GMFB: variants seen among roughly 807,000 people sequenced by gnomAD.
GMFB encodes glia maturation factor beta.
GMFB carries 13 observed loss-of-function variants against 25.6 expected under a neutral mutation model. The observed-to-expected ratio is 0.51, with a 90% CI of 0.33 to 0.81. GMFB has a LOEUF of 0.81. Among genes scored for constraint, GMFB ranks in the 30% least tolerant of loss-of-function variants. The pLI is 0.02. For missense variants in GMFB, 146 were observed against 175.4 expected (o/e 0.83, Z 0.95); for synonymous variants, 57 against 56.9 (o/e 1.00, Z 0.00).
At chr14:54,483,469 G>C in intron 2 of GMFB, 1 of 549,684 alleles carries the variant, frequency 1.8e-6, no homozygotes, top group East Asian at 3.1e-5. Context: ...AAAGGACTAT[G>C]GGGGAGGTGG....
At chr14:54,485,145 A>T (rs188452970) in intron 1 of GMFB, among the ~76,000 whole-genome samples, 75 of 152,322 alleles carry the variant, frequency 4.9e-4, no homozygotes, top group Admixed American at 9.8e-4. Context: ...TACCACTTTT[A>T]TTCAACATAG....
In GMFB at chr14:54,486,640, G is replaced by C. The variant is rs73265764; in HGVS notation, c.3+2285C>G. Among the ~76,000 whole-genome samples the C allele has an allele frequency of 9.4e-4, 143 of 152,254 alleles. 1 individual carries two copies. The highest frequency in any genetic ancestry group is 3.2e-3 in the African/African-American group (135 of 41,546). ...AAATTCCCATTTAGTCCTAATAATA[G>C]TTAACATGTATCAGACCCTATGAGA... On this transcript the variant is annotated intron_variant, in intron 1 of 6. Coordinates refer to ENST00000358056, the MANE Select transcript of GMFB (RefSeq NM_004124.3).
intron 1 of GMFB, among the ~76,000 whole-genome samples, chr14:54,484,270 C>G (rs2031754690): frequency 6.6e-6 from 1 of 151,438 alleles, no homozygotes; most frequent in Non-Finnish European, 1.5e-5. Flanking sequence ...AGAGTAAAGA[C>G]CAATAATATT....
rs3818941 is a variant in GMFB, at chr14:54,488,646, G to C, written c.3+279C>G. 3.9e-4 allele frequency: 163 copies of C among 412,690 alleles called. No individual in the cohort carries two copies. The East Asian group carries it at 6.0e-3, about 15-fold the overall frequency. 25.6% of individuals were successfully genotyped at this position (412,690 alleles called of 1,614,324 possible). ...AGCCCTCCAACCAGAAGGACCTGGCGTGGGGCCTCCCCAACCCCCCTGCTC... is the reference window on the plus strand; with the variant it reads ...AGCCCTCCAACCAGAAGGACCTGGCCTGGGGCCTCCCCAACCCCCCTGCTC... On this transcript the variant is annotated intron_variant, in intron 1 of 6. Coordinates refer to ENST00000358056, the MANE Select transcript of GMFB (RefSeq NM_004124.3).
intron 1 of GMFB, among the ~76,000 whole-genome samples, chr14:54,486,665 A>G (rs1376043225): frequency 6.6e-6 from 1 of 152,212 alleles, no homozygotes; most frequent in Non-Finnish European, 1.5e-5. Flanking sequence ...ACCCTATGAG[A>G]GAAACACTGT....
chr14:54,481,378 T>A, intron 4 of GMFB, 31 bp downstream of exon 4: 1 of 1,466,732 alleles, frequency 6.8e-7, no homozygotes, highest in Non-Finnish European at 9.6e-7. Flanking sequence ...CTAAAGAAAA[T>A]AAATCTTTTA....
At position 54,480,931 on chromosome 14, in the gene GMFB, G is replaced by C; in HGVS notation, c.226C>G (p.Gln76Glu). The C allele has an allele frequency of 6.6e-7, 1 of 1,521,122 alleles. No individual in the cohort carries two copies. 94.2% of individuals were successfully genotyped at this position (1,521,122 alleles called of 1,614,324 possible). A position where few individuals can be genotyped will look rare whatever the true frequency, so the allele number is the denominator to read the frequency against. The change falls in exon 5 of 7, where the codon CAA becomes GAA. Residue 76 changes from glutamine to glutamate, a missense_variant. Coordinates refer to ENST00000358056, the MANE Select transcript of GMFB (RefSeq NM_004124.3). The part of the protein sequence containing the change: ...PRFIVYSYKY[Q>E]HDDGRVSYPL... The stretch of plus-strand genomic sequence containing the variant: ...TATGAAACTCTTCCATCATCATGTT[G>C]ATATTTATAACTATACACAATGAAG...
rs192909342 is a variant in GMFB at position 54,487,391 on chromosome 14, C to G, written c.3+1534G>C. 3.3e-3 allele frequency among the ~76,000 whole-genome samples: 495 copies of G among 152,280 alleles called. 3 individuals are homozygous for G. The highest frequency in any genetic ancestry group is 0.011 in the African/African-American group (475 of 41,562). On this transcript the variant is annotated intron_variant, in intron 1 of 6. Coordinates refer to ENST00000358056, the MANE Select transcript of GMFB (RefSeq NM_004124.3). The stretch of plus-strand genomic sequence containing the variant: ...CTAAAAATACAAAAACAAAATTAGC[C>G]GGGTGTGGTGGCGGGAGCCTGTAGT...
intron 2 of GMFB, 136 bp downstream of exon 2, chr14:54,483,535 T>C: frequency 1.6e-6 from 1 of 614,980 alleles, no homozygotes; most frequent in East Asian, 2.8e-5. Context: ...TTTTTTAAAG[T>C]GATCTAAAGG....
In GMFB at chr14:54,474,761, T is replaced by A. The variant is rs1275015106; in HGVS notation, c.*3327A>T. ...ATGATCTCAAACAATATTCAAGTAATTATATTTATATGAATTATAATCCAA... is the reference window on the plus strand; with the variant it reads ...ATGATCTCAAACAATATTCAAGTAAATATATTTATATGAATTATAATCCAA... On this transcript the variant is annotated 3_prime_UTR_variant, in exon 7 of 7. Transcript: ENST00000358056. 1 of 152,648 alleles carries A rather than the reference T, an allele frequency of 6.6e-6. No homozygotes were observed. The highest frequency in any genetic ancestry group is 1.5e-5 in the Non-Finnish European group (1 of 68,030). The allele number at this position is 152,648 out of a possible 1,614,324, so 9.5% of individuals were successfully genotyped here.
rs1277607888 is a variant in GMFB at position 54,475,491 on chromosome 14, A to G, written c.*2597T>C. 1 of 152,596 alleles carries G rather than the reference A, an allele frequency of 6.6e-6. No homozygotes were observed. The highest frequency in any genetic ancestry group is 1.5e-5 in the Non-Finnish European group (1 of 67,968). 9.5% of individuals were successfully genotyped at this position (152,596 alleles called of 1,614,324 possible). ...GCATTTAGTAAACTTTTAGAACTAG[A>G]CAATTTGAACATTTTAGAAGTCAAT... On this transcript the variant is annotated 3_prime_UTR_variant, in exon 7 of 7. Transcript: ENST00000358056.
chr14:54,487,453 G>C (rs907890565), intron 1 of GMFB, among the ~76,000 whole-genome samples: 1 of 151,788 alleles, frequency 6.6e-6, no homozygotes, highest in Non-Finnish European at 1.5e-5. Context: ...GAGAACGAAC[G>C]GCGTGAACCA....
intron 1 of GMFB, 174 bp downstream of exon 1, chr14:54,488,751 G>C (rs944431148): frequency 1.9e-6 from 1 of 531,390 alleles, no homozygotes; most frequent in African/African-American, 2.0e-5. Flanking sequence ...GAGGCGTGGT[G>C]GCGGCGGCAG....
In GMFB at chr14:54,483,257, G is replaced by T. The variant is rs143252401; in HGVS notation, c.100+414C>A. 2.1e-3 allele frequency: 330 copies of T among 156,258 alleles called. 1 individual carries two copies. The highest frequency in any genetic ancestry group is 4.4e-3 in the Admixed American group (69 of 15,750). The allele number at this position is 156,258 out of a possible 1,614,324, so 9.7% of individuals were successfully genotyped here. A position where few individuals can be genotyped will look rare whatever the true frequency, so the allele number is the denominator to read the frequency against. On this transcript the variant is annotated intron_variant, in intron 2 of 6. Transcript: ENST00000358056. ...AAACCAGAGTTCAAATCTACAACTG[G>T]AATAATGCCCAAAGTCACTATGTAC...
chr14:54,477,838 G>A lies in GMFB; in HGVS notation c.*250C>T. 1 of 333,394 alleles carries A rather than the reference G, an allele frequency of 3.0e-6. No homozygotes were observed. Among genetic ancestry groups the A allele is most frequent in the South Asian group, 9.5e-5 (1 of 10,580 alleles). The allele number at this position is 333,394 out of a possible 1,614,324, so 20.7% of individuals were successfully genotyped here. On this transcript the variant is annotated 3_prime_UTR_variant, in exon 7 of 7. Coordinates refer to ENST00000358056, the MANE Select transcript of GMFB (RefSeq NM_004124.3). ...CATAAGTTATAGAAATTAGTCACAAGAGTGCAAAAAGTCCCTGGAGAAAAG... is the reference window on the plus strand; with the variant it reads ...CATAAGTTATAGAAATTAGTCACAAAAGTGCAAAAAGTCCCTGGAGAAAAG...
chr14:54,481,486 A>C (rs1274264329), intron 3 of GMFB, 28 bp from the exon 4 acceptor site: 19 of 1,551,596 alleles, frequency 1.2e-5, no homozygotes, highest in African/African-American at 2.7e-5. Context: ...AGCAACTTTT[A>C]AACATTTTCT....
rs2031686495 is a variant in GMFB at position 54,479,781 on chromosome 14, A to G, written c.357+5T>C. Reference sequence around the variant, plus strand: ...CTCAACAAGTCAGTCAAATATAAATACCACCTTGGTTAGTTCAGCTGTCTG... The same window carrying G: ...CTCAACAAGTCAGTCAAATATAAATGCCACCTTGGTTAGTTCAGCTGTCTG... On this transcript the variant is annotated splice_donor_5th_base_variant and intron_variant, in intron 6 of 6. Transcript: ENST00000358056. 6.5e-7 allele frequency: 1 copy of G among 1,541,242 alleles called. No individual in the cohort carries two copies. Among genetic ancestry groups the G allele is most frequent in the Admixed American group, 1.7e-5 (1 of 59,740 alleles).
Position 54,481,474 on chromosome 14 carries a change from A to G in GMFB, c.151-16T>C, listed in dbSNP as rs751624835. 6.3e-7 allele frequency: 1 copy of G among 1,593,964 alleles called. No individual in the cohort carries two copies. On this transcript the variant is annotated splice_polypyrimidine_tract_variant and intron_variant, in intron 3 of 6. Coordinates refer to ENST00000358056, the MANE Select transcript of GMFB (RefSeq NM_004124.3). ...GTGAAATGCCCTGGCACCACAGAGA[A>G]AAGCAACTTTTAAACATTTTCTTAC...
At chr14:54,480,193 T>G (rs2140032169) in intron 5 of GMFB, 1 of 204,594 alleles carries the variant, frequency 4.9e-6, no homozygotes, top group East Asian at 1.4e-4. Context: ...TATGGATGAC[T>G]AAAATACACA....
Sources: gnomAD v4.1 joint callset for allele counts (sites outside exome capture counted in the v4.1 genomes callset) on GRCh38, gnomAD v4.1.1 for gene constraint, MANE v1.5 for transcripts, NCBI Gene and HGNC (gene_info 2026-07-23, HGNC 2026-07-21) for gene names.